Variants in CTDP1 observed in about 807,000 individuals in gnomAD.
CTDP1 encodes CTD phosphatase 1.
CTDP1 carries 47 observed loss-of-function variants against 91.8 expected under a neutral mutation model. That is an observed-to-expected ratio of 0.51 (90% CI 0.41 to 0.65). The LOEUF (loss-of-function observed/expected upper bound fraction) is 0.65. Ranked by LOEUF, CTDP1 falls within the 30% of genes least tolerant of loss-of-function variation. The probability of loss-of-function intolerance (pLI) is 0.00; values close to 1 mark genes in which losing one functional copy is unlikely to be tolerated. For synonymous variants in CTDP1, 656 were observed against 598.5 expected, an observed-to-expected ratio of 1.10 and a Z score of -1.40; for missense variants, 1,272 against 1,373.7, an observed-to-expected ratio of 0.93 and a Z score of 1.17.
intron 11 of CTDP1, among the ~76,000 whole-genome samples, chr18:79,731,209 C>G (rs1422043245): frequency 6.6e-6 from 1 of 152,220 alleles, no homozygotes; most frequent in African/African-American, 2.4e-5. Context: ...TCAAGAGGAT[C>G]TGGAACCAGG....
Position 79,715,489 on chromosome 18 carries a change from G to A in CTDP1, c.2029G>A (p.Ala677Thr), listed in dbSNP as rs763697720. The A allele has an allele frequency of 1.1e-5, 17 of 1,574,952 alleles. No individual in the cohort carries two copies. The highest frequency in any genetic ancestry group is 5.4e-5 in the Admixed American group (3 of 55,058). Reference sequence around the variant, plus strand: ...CACTCGGCTGGTGCTGAGCCCCGACGCCCCTGACAGGGCCACGCACCTGAT... The same window carrying A: ...CACTCGGCTGGTGCTGAGCCCCGACACCCCTGACAGGGCCACGCACCTGAT... ...ILTRLVLSPDAPDRATHLIAA... is the reference protein window; with the variant it reads ...ILTRLVLSPDTPDRATHLIAA... Residue 677 changes from alanine (A) to threonine (T), a missense_variant, in exon 8 of 13, where the codon GCC becomes ACC. Physicochemically the swap from Ala to Thr is moderately conservative, Grantham distance 58 (BLOSUM62 0). Transcript: ENST00000613122.
At chr18:79,688,116 C>T (rs1456785834) in intron 1 of CTDP1, among the ~76,000 whole-genome samples, 1 of 152,258 alleles carries the variant, frequency 6.6e-6, no homozygotes, top group East Asian at 1.9e-4. Context: ...GCGTGTTCTC[C>T]AGGATGGCTG....
chr18:79,682,112 G>T (rs1325732338), intron 1 of CTDP1, among the ~76,000 whole-genome samples: 1 of 152,196 alleles, frequency 6.6e-6, no homozygotes, highest in Admixed American at 6.5e-5. Flanking sequence ...CCTCGCAGTT[G>T]CATTAGCCAG....
rs574712894 is a variant in CTDP1 at position 79,679,872 on chromosome 18, G to C, written c.-76G>C. The C allele has an allele frequency of 1.8e-4, 235 of 1,285,520 alleles. 1 individual carries two copies. In the African/African-American group the frequency reaches 3.4e-3, roughly 19 times the overall value. 79.6% of individuals were successfully genotyped at this position (1,285,520 alleles called of 1,614,324 possible). ...GAACTACAGCGTCGCCGCCTGGGTT[G>C]TGTCGCCGCGGTAGGCGCTGCGCTC... On this transcript the variant is annotated 5_prime_UTR_variant, in exon 1 of 13. Transcript: ENST00000613122.
intron 11 of CTDP1, chr18:79,735,623 GGC>G (rs1488165428): frequency 6.5e-6 from 1 of 152,864 alleles, no homozygotes; most frequent in Non-Finnish European, 1.5e-5. Context: ...TTCACCTCCC[GGC>G]ACTGGGCTCA....
chr18:79,712,689 TTTCG>T (rs1445256489), intron 6 of CTDP1, among the ~76,000 whole-genome samples: 1 of 152,192 alleles, frequency 6.6e-6, no homozygotes, highest in Non-Finnish European at 1.5e-5. Context: ...CAGAGTTGGG[TTTCG>T]TCCCCGTGGC....
chr18:79,741,011 TC>T (rs2086765286), intron 12 of CTDP1, among the ~76,000 whole-genome samples: 1 of 132,864 alleles, frequency 7.5e-6, no homozygotes, highest in Non-Finnish European at 1.6e-5. Flanking sequence ...TGTCCCTGAG[TC>T]CCTGAGGTCC....
At chr18:79,696,418 A>T (rs1289791075) in intron 3 of CTDP1, among the ~76,000 whole-genome samples, 2 of 151,928 alleles carry the variant, frequency 1.3e-5, no homozygotes, top group South Asian at 2.1e-4. Flanking sequence ...ACAGCTGCTC[A>T]TGGAGCTCAG....
At chr18:79,701,116 G>A (rs550463523) in intron 4 of CTDP1, among the ~76,000 whole-genome samples, 76 of 152,278 alleles carry the variant, frequency 5.0e-4, no homozygotes, top group Non-Finnish European at 9.1e-4. Context: ...TGATGGAGAC[G>A]TACAGGAGAG....
rs763557172 is a variant in CTDP1, at chr18:79,714,479, A to G, written c.1031-12A>G. On this transcript the variant is annotated splice_polypyrimidine_tract_variant and intron_variant, in intron 7 of 12. Transcript: ENST00000613122. ...AAATTGCGGTAACTTTTCCTTTTGC[A>G]TGCATATTTAGTAAATCATTCTCGA... 5.0e-6 allele frequency: 8 copies of G among 1,612,822 alleles called. No individual in the cohort carries two copies. The highest frequency in any genetic ancestry group is 4.5e-5 in the East Asian group (2 of 44,884).
chr18:79,746,353 C>CTGCGTCCCTCCCGTGCGCGTTCTGTCCG (rs1329575887), intron 12 of CTDP1, among the ~76,000 whole-genome samples: 22 of 148,216 alleles, frequency 1.5e-4, no homozygotes, highest in Admixed American at 2.0e-4. Context: ...CGTTCTGACC[C>CTGCGTCCCTCCCGTGCGCGTTCTGTCCG]TGCGTCCCTC....
chr18:79,702,031 AT>A (rs1244135904), intron 4 of CTDP1, among the ~76,000 whole-genome samples: 4 of 152,236 alleles, frequency 2.6e-5, no homozygotes, highest in African/African-American at 9.6e-5. Flanking sequence ...ACCAAAAAGG[AT>A]TTGGAAGATT....
intron 6 of CTDP1, among the ~76,000 whole-genome samples, chr18:79,711,842 G>A (rs72997497): frequency 0.12 from 17,961 of 152,058 alleles, 1,472 homozygotes; most frequent in Non-Finnish European, 0.18. Flanking sequence ...ATGCTTTGAC[G>A]TTTCTTGCCC....
intron 1 of CTDP1, among the ~76,000 whole-genome samples, chr18:79,687,173 T>C (rs1237700864): frequency 1.4e-3 from 94 of 65,502 alleles, no homozygotes; most frequent in African/African-American, 2.0e-3. Flanking sequence ...GTTGGCTTCG[T>C]CAGTTCACTG....
intron 5 of CTDP1, among the ~76,000 whole-genome samples, chr18:79,708,154 G>T (rs774781442): frequency 2.0e-5 from 3 of 152,214 alleles, no homozygotes; most frequent in Non-Finnish European, 2.9e-5. Flanking sequence ...AACGTCTGGA[G>T]GTGGTGATGC....
chr18:79,707,912 A>G (rs978495587), intron 5 of CTDP1, among the ~76,000 whole-genome samples: 1 of 152,186 alleles, frequency 6.6e-6, no homozygotes, highest in African/African-American at 2.4e-5. Context: ...TAGGACAGAG[A>G]TGTTAAGAGT....
At chr18:79,682,049 C>G (rs2085381888) in intron 1 of CTDP1, among the ~76,000 whole-genome samples, 1 of 152,162 alleles carries the variant, frequency 6.6e-6, no homozygotes, top group Non-Finnish European at 1.5e-5. Flanking sequence ...GTCTAAAGCC[C>G]TGTGTGCATG....
intron 1 of CTDP1, among the ~76,000 whole-genome samples, chr18:79,690,603 C>T (rs906516436): frequency 6.6e-6 from 1 of 152,170 alleles, no homozygotes; most frequent in Non-Finnish European, 1.5e-5. Context: ...TCTGCAAAGA[C>T]GAAGTGTAGA....
chr18:79,749,284 T>G (rs893298843), intron 12 of CTDP1, among the ~76,000 whole-genome samples: 3 of 152,036 alleles, frequency 2.0e-5, no homozygotes, highest in Non-Finnish European at 4.4e-5. Context: ...GGGTCCCGCC[T>G]GGCTCTCGTC....
Sources: allele counts gnomAD v4.1 joint callset (sites outside exome capture counted in the v4.1 genomes callset), GRCh38; gene constraint gnomAD v4.1.1; transcripts MANE v1.5; gene names NCBI Gene and HGNC (gene_info 2026-07-23, HGNC 2026-07-21).